Variants in HYDIN observed in about 807,000 individuals in gnomAD.
HYDIN encodes the protein axonemal central pair apparatus protein HYDIN.
HYDIN carries 132 observed loss-of-function variants against 403.9 expected under a neutral mutation model. The observed-to-expected ratio is 0.33, with a 90% CI of 0.28 to 0.38. HYDIN has a LOEUF of 0.38. Ranked by LOEUF, HYDIN falls within the 10% of genes least tolerant of loss-of-function variation. HYDIN has a pLI of 1.00. For missense variants in HYDIN, 2,827 were observed against 5,009.5 expected, an observed-to-expected ratio of 0.56 and a Z score of 13.15; for synonymous variants, 1,202 against 1,891.7, an observed-to-expected ratio of 0.64 and a Z score of 9.46.
Position 71,137,190 on chromosome 16 carries a change from A to G in HYDIN, c.1004T>C (p.Val335Ala), listed in dbSNP as rs201313837. The G allele has an allele frequency of 4.2e-5, 30 of 707,936 alleles. No individual in the cohort carries two copies. The highest frequency in any genetic ancestry group is 7.1e-5 in the Non-Finnish European group (30 of 420,392). 43.9% of individuals were successfully genotyped at this position (707,936 alleles called of 1,614,324 possible). Residue 335 changes from valine (V) to alanine (A), a missense_variant, in exon 8 of 86, where the codon GTA becomes GCA. Coordinates refer to ENST00000393567, the MANE Select transcript of HYDIN (RefSeq NM_001270974.2). Reference sequence around the variant, plus strand: ...GTCCTCTTCTTGCTGGGTAGCAAATACCTTCCACAGGAAATGGGCAATGAT... The same window carrying G: ...GTCCTCTTCTTGCTGGGTAGCAAATGCCTTCCACAGGAAATGGGCAATGAT... ...SNIIAHFLWK[V>A]FATQQEEDRE...
At chr16:71,108,422 G>A (rs2083696681) in intron 10 of HYDIN, among the ~76,000 whole-genome samples, 1 of 152,080 alleles carries the variant, frequency 6.6e-6, no homozygotes, top group Admixed American at 6.5e-5. Flanking sequence ...AGAGGAGTAT[G>A]ATTGGGAAGG....
chr16:71,080,086 G>A (rs2082738244), intron 12 of HYDIN, 134 bp from the exon 13 acceptor site: 5 of 591,264 alleles, frequency 8.5e-6, no homozygotes, highest in Non-Finnish European at 1.5e-5. Flanking sequence ...AGGATTTAGA[G>A]AAATGATGAC....
chr16:70,908,732 G>T lies in HYDIN; in HGVS notation c.8134C>A (p.Pro2712Thr), dbSNP rs199652037. 3.7e-6 allele frequency: 6 copies of T among 1,613,844 alleles called. No homozygotes were observed. Among genetic ancestry groups the T allele is most frequent in the African/African-American group, 2.7e-5 (2 of 74,888 alleles). Reference sequence around the variant, plus strand: ...GACAGCTGGGAAATGGTTCCAGCAGGTTCCCCAGAAAGGACCTTCCTGTTT... The same window carrying T: ...GACAGCTGGGAAATGGTTCCAGCAGTTTCCCCAGAAAGGACCTTCCTGTTT... ...ALNRKVLSGEPAGTISQLSDT... is the reference protein window; with the variant it reads ...ALNRKVLSGETAGTISQLSDT... The change falls in exon 48 of 86, where the codon CCT becomes ACT. Residue 2712 changes from proline (P) to threonine (T), a missense_variant. Physicochemically the swap from Pro to Thr is conservative, Grantham distance 38 (BLOSUM62 -1). Transcript: ENST00000393567.
intron 78 of HYDIN, among the ~76,000 whole-genome samples, chr16:70,835,022 A>G (rs2037319787): frequency 6.9e-6 from 1 of 145,408 alleles, no homozygotes; most frequent in African/African-American, 2.5e-5. Flanking sequence ...ACACATATAT[A>G]TATGTTTTTT....
intron 7 of HYDIN, among the ~76,000 whole-genome samples, chr16:71,151,473 A>G (rs1597892094): frequency 6.6e-6 from 1 of 151,352 alleles, no homozygotes; most frequent in Admixed American, 6.6e-5. Flanking sequence ...GATCACCCCA[A>G]TCTACCAGTG....
chr16:70,906,978 G>A (rs2143772965), intron 50 of HYDIN, among the ~76,000 whole-genome samples: 1 of 152,242 alleles, frequency 6.6e-6, no homozygotes, highest in South Asian at 2.1e-4. Flanking sequence ...CCTCTCTCAG[G>A]CAATCTCATC....
chr16:70,812,568 T>C (rs1014297779), intron 84 of HYDIN, among the ~76,000 whole-genome samples: 4 of 152,232 alleles, frequency 2.6e-5, no homozygotes, highest in Admixed American at 6.5e-5. Flanking sequence ...TATATTTCTA[T>C]ATTCTTACAA....
At chr16:70,991,463 A>G (rs1292439233) in intron 24 of HYDIN, 67 bp from the exon 25 acceptor site, 19 of 1,590,010 alleles carry the variant, frequency 1.2e-5, no homozygotes, top group Admixed American at 3.4e-5. Flanking sequence ...TCTCAGGTGC[A>G]TAACAGCCCT....
At chr16:71,093,958 A>C in intron 10 of HYDIN, 23 bp from the exon 11 acceptor site, 18 of 1,612,360 alleles carry the variant, frequency 1.1e-5, no homozygotes, top group Non-Finnish European at 1.5e-5. Flanking sequence ...TTCAGACTTT[A>C]TCATCCAAAT....
intron 12 of HYDIN, among the ~76,000 whole-genome samples, chr16:71,087,352 C>T (rs1363815026): frequency 2.0e-5 from 3 of 151,230 alleles, no homozygotes; most frequent in Admixed American, 6.6e-5. Flanking sequence ...TTCAGCTTCT[C>T]TTTATTTTTT....
Position 70,804,311 on chromosome 16 carries a change from C to T in HYDIN, c.*3269G>A, listed in dbSNP as rs1454163901. On this transcript the variant is annotated 3_prime_UTR_variant, in exon 86 of 86. Transcript: ENST00000393567. Reference sequence around the variant, plus strand: ...CCAACACGTTTGTGTGCCCACTGTGCAGTAACAGACCAATGCACAGAGACA... The same window carrying T: ...CCAACACGTTTGTGTGCCCACTGTGTAGTAACAGACCAATGCACAGAGACA... Among the ~76,000 whole-genome samples, 1 of 152,154 alleles carries T rather than the reference C, an allele frequency of 6.6e-6. No homozygotes were observed. The highest frequency in any genetic ancestry group is 1.5e-5 in the Non-Finnish European group (1 of 68,030).
chr16:71,107,201 TGACGA>T (rs1052959909), intron 10 of HYDIN, among the ~76,000 whole-genome samples: 7 of 151,390 alleles, frequency 4.6e-5, no homozygotes, highest in African/African-American at 1.7e-4. Context: ...TAATGTTAAA[TGACGA>T]GTTAATGGGT....
At chr16:71,006,972 C>A (rs1217411263) in intron 23 of HYDIN, among the ~76,000 whole-genome samples, 1 of 150,994 alleles carries the variant, frequency 6.6e-6, no homozygotes, top group African/African-American at 2.4e-5. Flanking sequence ...CCTCACCCCA[C>A]CCCTTTCTCT....
intron 50 of HYDIN, among the ~76,000 whole-genome samples, chr16:70,905,125 G>C (rs1340075353): frequency 6.6e-6 from 1 of 152,172 alleles, no homozygotes; most frequent in Admixed American, 6.5e-5. Context: ...CCATGATGGA[G>C]GATGAAAGGA....
In HYDIN at chr16:70,955,503, G is replaced by A. The variant is rs201786756; in HGVS notation, c.6188C>T (p.Ala2063Val). ...CACAATGGAGTCGATGCTCAGGCAG[G>A]CTGCGTTGTAGTACTTGGCCACGCT... Reference protein sequence around the residue: ...AVSVAKYYNAACLSIDSIVLE... With the variant: ...AVSVAKYYNAVCLSIDSIVLE... Residue 2063 changes from alanine to valine, a missense_variant, in exon 40 of 86, where the codon GCC (alanine) becomes GTC (valine). Physicochemically the swap from Ala to Val is moderately conservative, Grantham distance 64 (BLOSUM62 0). Transcript: ENST00000393567. 3.3e-4 allele frequency: 519 copies of A among 1,584,946 alleles called. No homozygotes were observed. The African/African-American group carries it at 4.4e-3, about 13-fold the overall frequency.
At position 71,129,673 on chromosome 16, in the gene HYDIN, C is replaced by T. The variant is rs1304756871; in HGVS notation, c.1194G>A (p.Leu398=). The T allele has an allele frequency of 1.2e-6, 2 of 1,614,048 alleles. No homozygotes were observed. The highest frequency in any genetic ancestry group is 1.7e-6 in the Non-Finnish European group (2 of 1,180,026). The change falls in exon 9 of 86, where the codon CTG becomes CTA. Residue 398 remains leucine, a synonymous_variant. Transcript: ENST00000393567. ...QRRLVQGDSK[L]FFNNVFTVEP... Reference sequence around the variant, plus strand: ...CCACAGTGAAAACGTTATTGAAGAACAGCTTGCTGTCTCCCTGCACCAGCC... The same window carrying T: ...CCACAGTGAAAACGTTATTGAAGAATAGCTTGCTGTCTCCCTGCACCAGCC...
At chr16:71,180,131 T>G (rs1056115110) in intron 3 of HYDIN, among the ~76,000 whole-genome samples, 1 of 152,008 alleles carries the variant, frequency 6.6e-6, no homozygotes, top group Non-Finnish European at 1.5e-5. Context: ...AAATACCTCA[T>G]GAGTTTGATC....
At chr16:71,081,086 T>C (rs2082771731) in intron 12 of HYDIN, 1 of 151,794 alleles carries the variant, frequency 6.6e-6, no homozygotes, top group Non-Finnish European at 1.5e-5. Flanking sequence ...AACTGTAAAA[T>C]ATTAAGTATG....
intron 78 of HYDIN, among the ~76,000 whole-genome samples, chr16:70,834,890 G>GTGTA (rs1555539424): frequency 1.1e-3 from 160 of 143,520 alleles, no homozygotes; most frequent in African/African-American, 4.0e-3. Context: ...GTGTGTGTGT[G>GTGTA]TATATATATA....
Sources: gnomAD v4.1 joint callset for allele counts (sites outside exome capture counted in the v4.1 genomes callset) on GRCh38, gnomAD v4.1.1 for gene constraint, MANE v1.5 for transcripts, NCBI Gene and HGNC (gene_info 2026-07-23, HGNC 2026-07-21) for gene names.